CRYL1: variants seen among roughly 807,000 people sequenced by gnomAD.
CRYL1 encodes lambda-crystallin homolog.
Under a neutral mutation model 36.6 loss-of-function variants are expected in CRYL1, and 29 were observed. The observed-to-expected ratio is 0.79, with a 90% CI of 0.59 to 1.08. The LOEUF (loss-of-function observed/expected upper bound fraction) is 1.08. Ranked by LOEUF, CRYL1 falls within the 50% of genes least tolerant of loss-of-function variation. CRYL1 has a pLI of 0.00. For missense variants in CRYL1, 411 were observed against 407.9 expected, an observed-to-expected ratio of 1.01 and a Z score of -0.06; for synonymous variants, 152 against 151.5, an observed-to-expected ratio of 1.00 and a Z score of -0.02.
chr13:20,456,517 G>T lies in CRYL1; in HGVS notation c.277-16763C>A, dbSNP rs1442200579. On this transcript the variant is annotated intron_variant, in intron 3 of 7. Transcript: ENST00000298248. ...AAAAAGAAAAGAAAAGAAGAGAGGC[G>T]AGGCAGGAGGATTGCTTGAGCCCAG... Among the ~76,000 whole-genome samples, 37 of 150,790 alleles carry T rather than the reference G, an allele frequency of 2.5e-4. 1 individual carries two copies. The highest frequency in any genetic ancestry group is 2.5e-3 in the Admixed American group (37 of 15,090).
intron 4 of CRYL1, among the ~76,000 whole-genome samples, chr13:20,437,691 CA>C (rs1429504906): frequency 6.6e-6 from 1 of 152,076 alleles, no homozygotes; most frequent in Non-Finnish European, 1.5e-5. Context: ...CAACAGTTAC[CA>C]ACTCCTGCTG....
At position 20,439,942 on chromosome 13, in the gene CRYL1, C is replaced by T. The variant is rs1034599867; in HGVS notation, c.277-188G>A. On this transcript the variant is annotated intron_variant, in intron 3 of 7. Coordinates refer to ENST00000298248, the MANE Select transcript of CRYL1 (RefSeq NM_015974.3). ...GAAGCAGGGAGGTCCCTCTGCCCTT[C>T]TGCTCTCTCCTCCCCTAAAGCAAGC... 8.8e-6 allele frequency: 5 copies of T among 565,520 alleles called. No individual in the cohort carries two copies. The South Asian group carries it at 1.2e-4, about 13-fold the overall frequency. The allele number at this position is 565,520 out of a possible 1,614,324, so 35.0% of individuals were successfully genotyped here. A position where few individuals can be genotyped will look rare whatever the true frequency, so the allele number is the denominator to read the frequency against.
At chr13:20,434,965 C>T (rs566200632) in intron 4 of CRYL1, among the ~76,000 whole-genome samples, 9 of 152,252 alleles carry the variant, frequency 5.9e-5, no homozygotes, top group African/African-American at 2.2e-4. Flanking sequence ...GTCTCAGCCC[C>T]TCTATCTCAT....
At chr13:20,501,554 C>T (rs957775000) in intron 2 of CRYL1, among the ~76,000 whole-genome samples, 5 of 152,174 alleles carry the variant, frequency 3.3e-5, no homozygotes, top group African/African-American at 9.6e-5. Context: ...TGGCTCCCAC[C>T]TATTCCTGAA....
intron 2 of CRYL1, among the ~76,000 whole-genome samples, chr13:20,498,553 G>T (rs1346743009): frequency 6.6e-6 from 1 of 152,130 alleles, no homozygotes; most frequent in Non-Finnish European, 1.5e-5. Flanking sequence ...AAAGTTTATG[G>T]AAATCTCACC....
At chr13:20,436,501 G>T (rs1460038448) in intron 4 of CRYL1, among the ~76,000 whole-genome samples, 1 of 152,148 alleles carries the variant, frequency 6.6e-6, no homozygotes, top group Non-Finnish European at 1.5e-5. Context: ...TCACTGCCAC[G>T]AGGAGTTGAG....
chr13:20,430,748 A>G (rs913129023), intron 5 of CRYL1: 2 of 985,340 alleles, frequency 2.0e-6, no homozygotes, highest in Admixed American at 6.1e-5. Context: ...ACAAATAAAA[A>G]GCTGAGATTG....
chr13:20,439,518 A>AAAAAAAAAAAAG, intron 4 of CRYL1, 75 bp downstream of exon 4: 2 of 722,140 alleles, frequency 2.8e-6, no homozygotes, highest in Non-Finnish European at 3.9e-6. Context: ...CCCCCGCAAA[A>AAAAAAAAAAAAG]AAAAAAAAAA....
chr13:20,511,601 G>C (rs2033918865), intron 2 of CRYL1, among the ~76,000 whole-genome samples: 1 of 152,108 alleles, frequency 6.6e-6, no homozygotes, highest in Non-Finnish European at 1.5e-5. Flanking sequence ...GCATATTTTT[G>C]TTGCACAAAA....
intron 2 of CRYL1, among the ~76,000 whole-genome samples, chr13:20,504,218 A>C: frequency 6.6e-6 from 1 of 152,092 alleles, no homozygotes; most frequent in Non-Finnish European, 1.5e-5. Flanking sequence ...CCAAATCTTA[A>C]GAACTAAAAC....
At chr13:20,510,441 T>A (rs555464563) in intron 2 of CRYL1, among the ~76,000 whole-genome samples, 4 of 152,082 alleles carry the variant, frequency 2.6e-5, no homozygotes, top group African/African-American at 9.6e-5. Flanking sequence ...CTGGAAAAGG[T>A]AAAACTGTGG....
intron 1 of CRYL1, among the ~76,000 whole-genome samples, chr13:20,524,647 G>A (rs1035463646): frequency 3.3e-5 from 5 of 152,148 alleles, no homozygotes; most frequent in African/African-American, 1.2e-4. Flanking sequence ...AACGTGCTGG[G>A]ATTACAGGGG....
intron 5 of CRYL1, among the ~76,000 whole-genome samples, chr13:20,417,272 C>T (rs1358831005): frequency 6.6e-6 from 1 of 152,116 alleles, no homozygotes; most frequent in African/African-American, 2.4e-5. Flanking sequence ...CATCTGTGGC[C>T]TAATATTATC....
chr13:20,432,672 C>G (rs1267006583), intron 4 of CRYL1, among the ~76,000 whole-genome samples: 1 of 152,120 alleles, frequency 6.6e-6, no homozygotes, highest in African/African-American at 2.4e-5. Context: ...AGAATCATGT[C>G]TTCCCATCTG....
intron 4 of CRYL1, among the ~76,000 whole-genome samples, chr13:20,434,112 TCA>T (rs2032144084): frequency 6.6e-6 from 1 of 152,176 alleles, no homozygotes. Context: ...GCTCCTGATC[TCA>T]GTGAGAATGT....
At chr13:20,490,560 T>C (rs1369065016) in intron 2 of CRYL1, among the ~76,000 whole-genome samples, 4 of 152,044 alleles carry the variant, frequency 2.6e-5, no homozygotes, top group African/African-American at 9.7e-5. Flanking sequence ...ATATACTTAA[T>C]ATACTTAAAA....
intron 2 of CRYL1, 31 bp from the exon 3 acceptor site, chr13:20,489,527 G>A (rs1324160351): frequency 1.2e-6 from 2 of 1,609,550 alleles, no homozygotes; most frequent in African/African-American, 1.3e-5. Flanking sequence ...ATCACTGTGA[G>A]TATTCAACAC....
intron 3 of CRYL1, among the ~76,000 whole-genome samples, chr13:20,480,459 T>C (rs945466273): frequency 3.9e-5 from 6 of 151,906 alleles, no homozygotes; most frequent in Non-Finnish European, 7.4e-5. Flanking sequence ...AACTGAAAGG[T>C]AAAGTAGAAA....
intron 1 of CRYL1, among the ~76,000 whole-genome samples, chr13:20,513,134 T>C (rs1409503565): frequency 1.3e-5 from 2 of 152,222 alleles, no homozygotes; most frequent in Non-Finnish European, 1.5e-5. Context: ...GTTAACTGTT[T>C]CCACCCAGGA....
Sources: allele counts gnomAD v4.1 joint callset (sites outside exome capture counted in the v4.1 genomes callset), GRCh38; gene constraint gnomAD v4.1.1; transcripts MANE v1.5; gene names NCBI Gene and HGNC (gene_info 2026-07-23, HGNC 2026-07-21).